The following HMGB1 variants were observed in gnomAD, a reference collection of about 807,000 sequenced individuals.
HMGB1 encodes high mobility group box 1.
For missense variants in HMGB1, 79 were observed against 253.5 expected, an observed-to-expected ratio of 0.31 and a Z score of 4.67; for synonymous variants, 81 against 84.0, an observed-to-expected ratio of 0.96 and a Z score of 0.19.
intron 1 of HMGB1, among the ~76,000 whole-genome samples, chr13:30,535,728 A>G (rs1422985234): frequency 6.6e-6 from 1 of 152,184 alleles, no homozygotes; most frequent in Non-Finnish European, 1.5e-5. Context: ...CATCTCTACT[A>G]AAAATACAAA....
At chr13:30,497,646 C>T (rs1426153573) in intron 1 of HMGB1, among the ~76,000 whole-genome samples, 1 of 152,090 alleles carries the variant, frequency 6.6e-6, no homozygotes, top group African/African-American at 2.4e-5. Flanking sequence ...TCTTGTTCCC[C>T]TCTTTGTATC....
chr13:30,478,365 A>T (rs1370248545), intron 1 of HMGB1, among the ~76,000 whole-genome samples: 2 of 152,136 alleles, frequency 1.3e-5, no homozygotes. Flanking sequence ...ATTTTTAATT[A>T]AAAAAATTAT....
rs1185497686 is a variant in HMGB1, at chr13:30,458,944, AAT to A, written c.*2411_*2412del. On this transcript the variant is annotated 3_prime_UTR_variant, in exon 5 of 5. Transcript: ENST00000341423. ...AGTTAGGAAATTTGACTCGTTAATC[AAT>A]ATGCCATATGCCTATCTTTAAAATA... 6.6e-6 allele frequency: 1 copy of A among 152,226 alleles called. No individual in the cohort carries two copies. The highest frequency in any genetic ancestry group is 6.5e-5 in the Admixed American group (1 of 15,282). 9.4% of individuals were successfully genotyped at this position (152,226 alleles called of 1,614,324 possible).
intron 1 of HMGB1, among the ~76,000 whole-genome samples, chr13:30,505,931 G>A (rs1017111328): frequency 3.3e-5 from 5 of 151,632 alleles, no homozygotes; most frequent in African/African-American, 1.2e-4. Context: ...TGTCATGTTC[G>A]CCAGGCTGGT....
At chr13:30,577,308 C>T (rs1870699093) in intron 1 of HMGB1, among the ~76,000 whole-genome samples, 1 of 150,382 alleles carries the variant, frequency 6.6e-6, no homozygotes, top group Non-Finnish European at 1.5e-5. Flanking sequence ...CCTCTGCACT[C>T]CAGCCTGGGT....
intron 1 of HMGB1, among the ~76,000 whole-genome samples, chr13:30,536,638 C>T (rs1312011103): frequency 6.6e-6 from 1 of 152,200 alleles, no homozygotes; most frequent in South Asian, 2.1e-4. Context: ...GCGTGAGCCA[C>T]CATGCCCGGC....
In HMGB1 at chr13:30,505,138, T is replaced by TTA. The variant is rs1289888579; in HGVS notation, c.-14-41446_-14-41445dup. The stretch of plus-strand genomic sequence containing the variant: ...GGCGCCGCCACCATGCCCAGCTAAT[T>TTA]TATATATATATATTTATATATTTGT... On this transcript the variant is annotated intron_variant, in intron 1 of 4. Coordinates refer to the HMGB1 transcript ENST00000405805. Among the ~76,000 whole-genome samples, 20 of 79,952 alleles carry TTA rather than the reference T, an allele frequency of 2.5e-4. No homozygotes were observed. The Middle Eastern group carries it at 0.016, about 64-fold the overall frequency. The allele number at this position is 79,952 out of a possible 152,430, so 52.5% of individuals were successfully genotyped here.
intron 1 of HMGB1, among the ~76,000 whole-genome samples, chr13:30,596,466 TAA>T (rs1344861955): frequency 6.6e-6 from 1 of 152,188 alleles, no homozygotes; most frequent in Non-Finnish European, 1.5e-5. Context: ...CATGGAATCC[TAA>T]AGTTACCTGG....
intron 1 of HMGB1, among the ~76,000 whole-genome samples, chr13:30,538,494 C>CTTTCT (rs1555238751): frequency 1.5e-5 from 1 of 66,782 alleles, no homozygotes; most frequent in African/African-American, 5.4e-5. Flanking sequence ...TTCTTTCTTT[C>CTTTCT]TTTCTTTCTT....
At chr13:30,475,134 CTCTCT>C (rs1201310116) in intron 1 of HMGB1, among the ~76,000 whole-genome samples, 8 of 45,704 alleles carry the variant, frequency 1.8e-4, no homozygotes, top group South Asian at 2.4e-3. Flanking sequence ...CTCTCTCTCT[CTCTCT>C]TTTTTTTTTT....
chr13:30,534,785 T>G (rs1439376761), intron 1 of HMGB1, among the ~76,000 whole-genome samples: 1 of 152,052 alleles, frequency 6.6e-6, no homozygotes, highest in Non-Finnish European at 1.5e-5. Flanking sequence ...CCATGTTGGC[T>G]AGGCTGGTCT....
chr13:30,502,742 T>C (rs1323115137), intron 1 of HMGB1, among the ~76,000 whole-genome samples: 1 of 151,942 alleles, frequency 6.6e-6, no homozygotes, highest in Non-Finnish European at 1.5e-5. Context: ...CACTGCAACC[T>C]CCACCTCACT....
At chr13:30,569,527 C>T (rs1268380727) in intron 1 of HMGB1, among the ~76,000 whole-genome samples, 1 of 152,114 alleles carries the variant, frequency 6.6e-6, no homozygotes, top group Non-Finnish European at 1.5e-5. Context: ...TGTTTAACCT[C>T]TACAGGATTC....
chr13:30,609,314 C>A (rs1950491833), intron 1 of HMGB1, among the ~76,000 whole-genome samples: 1 of 151,994 alleles, frequency 6.6e-6, no homozygotes, highest in Non-Finnish European at 1.5e-5. Context: ...CATTGGTAAG[C>A]GTAAGAAAAT....
intron 1 of HMGB1, among the ~76,000 whole-genome samples, chr13:30,484,107 AGCT>A (rs1275040437): frequency 6.6e-6 from 1 of 152,096 alleles, no homozygotes; most frequent in Non-Finnish European, 1.5e-5. Context: ...AGCTCTGAGA[AGCT>A]GCCCCTGACC....
chr13:30,572,675 T>A (rs1870485261), intron 1 of HMGB1, among the ~76,000 whole-genome samples: 1 of 152,204 alleles, frequency 6.6e-6, no homozygotes, highest in Non-Finnish European at 1.5e-5. Context: ...GGTGTAAGGA[T>A]CAGGAACAAA....
chr13:30,498,232 A>G (rs1345022200), intron 1 of HMGB1, among the ~76,000 whole-genome samples: 1 of 152,172 alleles, frequency 6.6e-6, no homozygotes, highest in Admixed American at 6.5e-5. Context: ...AAGCAGGACA[A>G]TCACTTAAAC....
At position 30,465,809 on chromosome 13, in the gene HMGB1, C is replaced by G. The variant is rs954182010; in HGVS notation, c.-28G>C. Reference sequence around the variant, plus strand: ...CCCCAGACTCACCCTCAGCGAGGCACAGAGTCGCCCAGTGCCCGTCCGGCT... The same window carrying G: ...CCCCAGACTCACCCTCAGCGAGGCAGAGAGTCGCCCAGTGCCCGTCCGGCT... On this transcript the variant is annotated 5_prime_UTR_variant, in exon 1 of 5. Transcript: ENST00000341423. The G allele has an allele frequency of 1.0e-5, 10 of 985,858 alleles. No individual in the cohort carries two copies. The highest frequency in any genetic ancestry group is 9.6e-6 in the Non-Finnish European group (8 of 829,946). 61.1% of individuals were successfully genotyped at this position (985,858 alleles called of 1,614,324 possible).
At chr13:30,597,006 G>A (rs889104935) in intron 1 of HMGB1, among the ~76,000 whole-genome samples, 2 of 152,166 alleles carry the variant, frequency 1.3e-5, no homozygotes, top group African/African-American at 2.4e-5. Context: ...ACAGCTGTAT[G>A]ATTTGAATGA....
Sources: allele counts gnomAD v4.1 joint callset (sites outside exome capture counted in the v4.1 genomes callset), GRCh38; gene constraint gnomAD v4.1.1; transcripts MANE v1.5; gene names NCBI Gene and HGNC (gene_info 2026-07-23, HGNC 2026-07-21).